Variants in GLUL observed in about 807,000 individuals in gnomAD.
GLUL encodes glutamine synthetase.
A neutral mutation model predicts 36.9 loss-of-function variants in GLUL; 8 were observed. The observed-to-expected ratio is 0.22, with a 90% CI of 0.13 to 0.39. The LOEUF (loss-of-function observed/expected upper bound fraction) is 0.39. GLUL is among the 10% of genes least tolerant of loss of function. The pLI, the probability that GLUL is intolerant of heterozygous loss-of-function variation, is 1.00. For synonymous variants in GLUL, 182 were observed against 172.8 expected (o/e 1.05, Z -0.42); for missense variants, 315 against 501.8 (o/e 0.63, Z 3.56).
rs917332303 is a variant in GLUL, at chr1:182,384,272, T to C, written c.*133A>G. On this transcript the variant is annotated 3_prime_UTR_variant, in exon 7 of 7. Transcript: ENST00000331872. The stretch of plus-strand genomic sequence containing the variant: ...GCCAAACAAAGAAAGCAAGATTAAC[T>C]GGGCACATGGAATGAAAAAAACGAC... 22 of 724,112 alleles carry C rather than the reference T, an allele frequency of 3.0e-5. No individual in the cohort carries two copies. Among genetic ancestry groups the C allele is most frequent in the South Asian group, 1.5e-5 (1 of 66,774 alleles). 44.9% of individuals were successfully genotyped at this position (724,112 alleles called of 1,614,324 possible). A position where few individuals can be genotyped will look rare whatever the true frequency, so the allele number is the denominator to read the frequency against.
At chr1:182,387,025 C>T in intron 3 of GLUL, 106 bp downstream of exon 3, 1 of 880,872 alleles carries the variant, frequency 1.1e-6, no homozygotes, top group East Asian at 2.4e-5. Context: ...TAAAATAGTG[C>T]TGAAATTGCC....
At chr1:182,387,055 T>G in intron 3 of GLUL, 76 bp downstream of exon 3, 2 of 1,167,382 alleles carry the variant, frequency 1.7e-6, no homozygotes, top group East Asian at 2.3e-5. Flanking sequence ...CAATGCTGAT[T>G]TCAGAATGTC....
rs778991081 is a variant in GLUL, at chr1:182,380,525, G to A, written c.*3880C>T. On this transcript the variant is annotated 3_prime_UTR_variant, in exon 7 of 7. Transcript: ENST00000331872. ...TGCCTAGAACGGTCTCAAACTCCTG[G>A]GCTCAAGAGATCCTCCTGCTGCAGC... Among the ~76,000 whole-genome samples, 3 of 152,138 alleles carry A rather than the reference G, an allele frequency of 2.0e-5. No homozygotes were observed. Among genetic ancestry groups the A allele is most frequent in the Non-Finnish European group, 2.9e-5 (2 of 68,020 alleles).
chr1:182,384,516 A>T lies in GLUL; in HGVS notation c.1011T>A (p.Phe337Leu). 6.2e-7 allele frequency: 1 copy of T among 1,614,116 alleles called. No homozygotes were observed. The stretch of plus-strand genomic sequence containing the variant: ...AGTTGGCAGAGGGGCGACGATCTTC[A>T]AAGTAACCCTTCTTCTCCTGGCCAA... The part of the protein sequence containing the change: ...RTVGQEKKGY[F>L]EDRRPSANCD... Residue 337 changes from phenylalanine to leucine, a missense_variant, in exon 7 of 7, where the codon TTT becomes TTA. Around this residue, in one of 3 missense-constraint regions of GLUL, gnomAD observed 58 missense variants for 89.5 expected, o/e 0.65. Coordinates refer to ENST00000331872, the MANE Select transcript of GLUL (RefSeq NM_001033044.4).
At position 182,388,259 on chromosome 1, in the gene GLUL, G is replaced by C. The variant is rs531291965; in HGVS notation, c.166+313C>G. 7.2e-5 allele frequency among the ~76,000 whole-genome samples: 11 copies of C among 152,300 alleles called. No individual in the cohort carries two copies. The East Asian group carries it at 1.5e-3, about 21-fold the overall frequency. Reference sequence around the variant, plus strand: ...GCAGTGGTTTTCTGAGGGTGCCTTAGAGCCAGCTAAGTGGGGATGTCCAGG... The same window carrying C: ...GCAGTGGTTTTCTGAGGGTGCCTTACAGCCAGCTAAGTGGGGATGTCCAGG... On this transcript the variant is annotated intron_variant, in intron 2 of 6. Transcript: ENST00000331872.
At chr1:182,391,503 G>A (rs754336012) in intron 1 of GLUL, 176 bp downstream of exon 1, 11 of 335,816 alleles carry the variant, frequency 3.3e-5, no homozygotes, top group Non-Finnish European at 5.9e-5. Context: ...CACCAGCGGC[G>A]GAAGCACGCG....
Position 182,381,243 on chromosome 1 carries a change from TGGGTGA to T in GLUL, c.*3156_*3161del, listed in dbSNP as rs1220409620. On this transcript the variant is annotated 3_prime_UTR_variant, in exon 7 of 7. Transcript: ENST00000331872. Reference sequence around the variant, plus strand: ...GATTGCGCCACACTATACTCCAGCCTGGGTGAGAGTCAGACCCCGTCTCAAAAACAA... The same window carrying T: ...GATTGCGCCACACTATACTCCAGCCTGAGTCAGACCCCGTCTCAAAAACAA... Among the ~76,000 whole-genome samples the T allele has an allele frequency of 6.6e-6, 1 of 152,312 alleles. No homozygotes were observed. Among genetic ancestry groups the T allele is most frequent in the African/African-American group, 2.4e-5 (1 of 41,570 alleles).
rs1004519259 is a variant in GLUL at position 182,380,075 on chromosome 1, C to T, written c.*4330G>A. ...ATTGGCCCGGCTGGTCTCAAACTCC[C>T]GATCTCAGGTGATCCACCTGCCTCG... is the stretch of plus-strand genomic sequence containing the variant. On this transcript the variant is annotated 3_prime_UTR_variant, in exon 7 of 7. Transcript: ENST00000331872. Among the ~76,000 whole-genome samples, 11 of 147,460 alleles carry T rather than the reference C, an allele frequency of 7.5e-5. No homozygotes were observed. The South Asian group carries it at 8.7e-4, about 12-fold the overall frequency.
chr1:182,385,074 T>C (rs1342733463), intron 6 of GLUL: 1 of 227,044 alleles, frequency 4.4e-6, no homozygotes, highest in Non-Finnish European at 8.6e-6. Context: ...TATATATTTA[T>C]ATAATGATAT....
At position 182,378,240 on chromosome 1, in the gene GLUL, G is replaced by T. The variant is rs1262894295; in HGVS notation, c.*6165C>A. ...TGGAGGAAACACGCTGCAATCTCAA[G>T]ACAATGCAGGTAACTCAATCTGAAA... On this transcript the variant is annotated 3_prime_UTR_variant, in exon 7 of 7. Coordinates refer to ENST00000331872, the MANE Select transcript of GLUL (RefSeq NM_001033044.4). Among the ~76,000 whole-genome samples, 1 of 152,168 alleles carries T rather than the reference G, an allele frequency of 6.6e-6. No homozygotes were observed. Among genetic ancestry groups the T allele is most frequent in the East Asian group, 1.9e-4 (1 of 5,202 alleles).
rs1375276707 is a variant in GLUL, at chr1:182,388,759, GAAAAA to G, written c.-13-14_-13-10del. On this transcript the variant is annotated splice_polypyrimidine_tract_variant and intron_variant, in intron 1 of 6. Transcript: ENST00000331872. ...TCATGGTGGAAGGTGTTCTGGAGAA[GAAAAA>G]AAGAATAACATTGTTAACGCCCACT... 2 of 1,608,958 alleles carry G rather than the reference GAAAAA, an allele frequency of 1.2e-6. No individual in the cohort carries two copies. The highest frequency in any genetic ancestry group is 1.7e-6 in the Non-Finnish European group (2 of 1,175,548).
intron 2 of GLUL, 96 bp from the exon 3 acceptor site, chr1:182,387,388 A>C (rs1650230179): frequency 4.5e-6 from 4 of 886,578 alleles, no homozygotes; most frequent in Non-Finnish European, 5.8e-6. Flanking sequence ...CCCATCTCTA[A>C]ATATCTCTTT....
In GLUL at chr1:182,380,580, G is replaced by T. The variant is rs909639538; in HGVS notation, c.*3825C>A. 5.3e-5 allele frequency among the ~76,000 whole-genome samples: 8 copies of T among 152,228 alleles called. No individual in the cohort carries two copies. Among genetic ancestry groups the T allele is most frequent in the Non-Finnish European group, 1.2e-4 (8 of 68,052 alleles). On this transcript the variant is annotated 3_prime_UTR_variant, in exon 7 of 7. Coordinates refer to ENST00000331872, the MANE Select transcript of GLUL (RefSeq NM_001033044.4). Reference sequence around the variant, plus strand: ...CAAAGTGTTGGGATCACAGGCGTAAGCCACTTCACCTGGCCTTGATTCTTT... The same window carrying T: ...CAAAGTGTTGGGATCACAGGCGTAATCCACTTCACCTGGCCTTGATTCTTT...
At chr1:182,385,947 G>A (rs1650161392) in intron 4 of GLUL, 60 bp from the exon 5 acceptor site, 1 of 1,530,346 alleles carries the variant, frequency 6.5e-7, no homozygotes, top group Non-Finnish European at 9.1e-7. Flanking sequence ...CCCAAAGTCA[G>A]AGATCAGAAG....
At chr1:182,387,040 C>CT (rs1415966261) in intron 3 of GLUL, 91 bp downstream of exon 3, 23 of 1,018,416 alleles carry the variant, frequency 2.3e-5, no homozygotes, top group Non-Finnish European at 2.8e-5. Flanking sequence ...ATTGCCTAGT[C>CT]TTCCCAATGC....
chr1:182,387,406 A>T, intron 2 of GLUL, 114 bp from the exon 3 acceptor site: 1 of 813,406 alleles, frequency 1.2e-6, no homozygotes, highest in South Asian at 1.4e-5. Context: ...TTTTCCAGGA[A>T]TTCATTAAGG....
chr1:182,386,010 C>G (rs944541538), intron 4 of GLUL, 123 bp from the exon 5 acceptor site: 9 of 1,071,868 alleles, frequency 8.4e-6, no homozygotes, highest in African/African-American at 3.1e-5. Context: ...TCTGCAGGTG[C>G]GGGGCAGGGG....
At position 182,380,881 on chromosome 1, in the gene GLUL, G is replaced by A. The variant is rs1172027012; in HGVS notation, c.*3524C>T. Among the ~76,000 whole-genome samples, 1 of 152,172 alleles carries A rather than the reference G, an allele frequency of 6.6e-6. No homozygotes were observed. The highest frequency in any genetic ancestry group is 1.5e-5 in the Non-Finnish European group (1 of 68,042). On this transcript the variant is annotated 3_prime_UTR_variant, in exon 7 of 7. Transcript: ENST00000331872. ...AGTTACTTTCACTTAGTGGTAAAAG[G>A]GCCAAGAATAGTTCAGGAACTTCTC...
In GLUL at chr1:182,388,567, C is replaced by G. The variant is rs758883993; in HGVS notation, c.166+5G>C. The G allele has an allele frequency of 6.2e-7, 1 of 1,613,656 alleles. No individual in the cohort carries two copies. Among genetic ancestry groups the G allele is most frequent in the South Asian group, 1.1e-5 (1 of 91,070 alleles). On this transcript the variant is annotated splice_donor_5th_base_variant and intron_variant, in intron 2 of 6. Transcript: ENST00000331872. ...CATGTGCTCCACTCCACATTGCTGTCTCACCTTCCACACACTTGGGCTCAC... is the reference window on the plus strand; with the variant it reads ...CATGTGCTCCACTCCACATTGCTGTGTCACCTTCCACACACTTGGGCTCAC...
Sources: allele counts gnomAD v4.1 joint callset (sites outside exome capture counted in the v4.1 genomes callset), GRCh38; gene constraint gnomAD v4.1.1; regional missense constraint gnomAD v4.1.1; transcripts MANE v1.5; gene names NCBI Gene and HGNC (gene_info 2026-07-23, HGNC 2026-07-21).